Variants in USP34 observed in about 807,000 individuals in gnomAD.
The protein encoded by USP34 is ubiquitin carboxyl-terminal hydrolase 34.
In USP34, 70 loss-of-function variants were observed where a neutral mutation model predicts 460.3. That is an observed-to-expected ratio of 0.15 (90% CI 0.13 to 0.19). USP34 has a LOEUF of 0.19. Among genes scored for constraint, USP34 ranks in the 10% least tolerant of loss-of-function variants. The pLI is 1.00. For missense variants in USP34, 3,985 were observed against 4,236.2 expected (o/e 0.94, Z 1.65); for synonymous variants, 1,647 against 1,405.3 (o/e 1.17, Z -3.85).
At chr2:61,225,944 C>T (rs1687713828) in intron 62 of USP34, among the ~76,000 whole-genome samples, 1 of 152,168 alleles carries the variant, frequency 6.6e-6, no homozygotes, top group African/African-American at 2.4e-5. Flanking sequence ...CAGCACTACA[C>T]TTGAGGGCCA....
intron 75 of USP34, among the ~76,000 whole-genome samples, chr2:61,199,730 T>C (rs1686914102): frequency 6.6e-6 from 1 of 152,252 alleles, no homozygotes; most frequent in Non-Finnish European, 1.5e-5. Context: ...ATCTTTATGT[T>C]TGTTGAGGCT....
rs560665729 is a variant in USP34 at position 61,365,070 on chromosome 2, G to A, written c.1251+5251C>T. On this transcript the variant is annotated intron_variant, in intron 10 of 79. Coordinates refer to ENST00000398571, the MANE Select transcript of USP34 (RefSeq NM_014709.4). The stretch of plus-strand genomic sequence containing the variant: ...AGTTTGAGACCAGCCTGACCAACAT[G>A]GTGAAATCCCGTCTCTACTAAAACT... Among the ~76,000 whole-genome samples, 117 of 152,138 alleles carry A rather than the reference G, an allele frequency of 7.7e-4. 1 individual carries two copies. Among genetic ancestry groups the A allele is most frequent in the South Asian group, 7.5e-3 (36 of 4,814 alleles).
At chr2:61,328,317 A>G (rs1691159796) in intron 20 of USP34, among the ~76,000 whole-genome samples, 1 of 151,722 alleles carries the variant, frequency 6.6e-6, no homozygotes, top group Non-Finnish European at 1.5e-5. Context: ...AAAAAAATAA[A>G]GTGAAAAAAA....
Position 61,190,538 on chromosome 2 carries a change from T to C in USP34, c.9709A>G (p.Met3237Val), listed in dbSNP as rs771833520. Residue 3237 changes from methionine (M) to valine (V), a missense_variant, in exon 77 of 80, where the codon ATG becomes GTG. Physicochemically the swap from Met to Val is conservative, Grantham distance 21 (BLOSUM62 1). Around this residue, in one of 14 missense-constraint regions of USP34, gnomAD observed 506 missense variants for 439.0 expected, o/e 1.15. Coordinates refer to ENST00000398571, the MANE Select transcript of USP34 (RefSeq NM_014709.4). ...CGTACCTTTAGAAGGAAATGTGTCA[T>C]GAACGTGTAGACAATGTTGTTGTTT... ...FLNNNIVYTF[M>V]THFLLKVQSQ... 23 of 1,613,886 alleles carry C rather than the reference T, an allele frequency of 1.4e-5. No homozygotes were observed. The highest frequency in any genetic ancestry group is 1.5e-5 in the Non-Finnish European group (18 of 1,179,964).
rs1229116121 is a variant in USP34, at chr2:61,194,266, TCCTAA to T, written c.9509-1291_9509-1287del. 3 of 985,408 alleles carry T rather than the reference TCCTAA, an allele frequency of 3.0e-6. No individual in the cohort carries two copies. The South Asian group carries it at 1.4e-4, about 46-fold the overall frequency. The allele number at this position is 985,408 out of a possible 1,614,324, so 61.0% of individuals were successfully genotyped here. A position where few individuals can be genotyped will look rare whatever the true frequency, so the allele number is the denominator to read the frequency against. ...GCAAGGAAATGCTACTTCCCCTTTA[TCCTAA>T]CCTAATCTGGTTGGTGTTTGGCAGC... is the stretch of plus-strand genomic sequence containing the variant. On this transcript the variant is annotated intron_variant, in intron 75 of 79. Transcript: ENST00000398571.
chr2:61,309,454 A>G (rs1173799321), intron 27 of USP34, among the ~76,000 whole-genome samples: 1 of 152,212 alleles, frequency 6.6e-6, no homozygotes, highest in African/African-American at 2.4e-5. Context: ...TTTGAGGACA[A>G]TTAGTAAGAT....
At position 61,348,294 on chromosome 2, in the gene USP34, T is replaced by G; in HGVS notation, c.1861A>C (p.Lys621Gln). 6.2e-7 allele frequency: 1 copy of G among 1,614,216 alleles called. No homozygotes were observed. Among genetic ancestry groups the G allele is most frequent in the East Asian group, 2.2e-5 (1 of 44,882 alleles). Residue 621 changes from lysine (K) to glutamine (Q), a missense_variant, in exon 15 of 80, where the codon AAA becomes CAA. Around this residue, in one of 14 missense-constraint regions of USP34, gnomAD observed 716 missense variants for 626.2 expected, o/e 1.14. Coordinates refer to ENST00000398571, the MANE Select transcript of USP34 (RefSeq NM_014709.4). ...TGATCATCGTCTTCATCTTCCTCTT[T>G]GAGGGCTTCAATATCTGCAATGTCT... ...SEDIADIEAL[K>Q]EEDEDDDHGH... is the part of the protein sequence containing the mutation.
chr2:61,349,601 G>A (rs1243329052), intron 12 of USP34, among the ~76,000 whole-genome samples: 2 of 152,072 alleles, frequency 1.3e-5, no homozygotes, highest in Non-Finnish European at 2.9e-5. Flanking sequence ...AGCATTTTAG[G>A]AGGCCAAGGC....
At chr2:61,244,339 G>C (rs1343608476) in intron 51 of USP34, among the ~76,000 whole-genome samples, 3 of 152,270 alleles carry the variant, frequency 2.0e-5, no homozygotes, top group East Asian at 1.9e-4. Flanking sequence ...TTGTTGGCTA[G>C]GTGCCATGGC....
At position 61,188,144 on chromosome 2, in the gene USP34, G is replaced by A. The variant is rs375982399; in HGVS notation, c.10599C>T (p.Val3533=). The A allele has an allele frequency of 1.4e-5, 22 of 1,613,764 alleles. No homozygotes were observed. Among genetic ancestry groups the A allele is most frequent in the East Asian group, 1.1e-4 (5 of 44,890 alleles). The change falls in exon 80 of 80, where the codon GTC becomes GTT. Residue 3533 remains valine, a synonymous_variant. Transcript: ENST00000398571. The stretch of plus-strand genomic sequence containing the variant: ...TTCCTTTGCCAGATATCCTTGTGAC[G>A]ACATGGATTGTAGATTCAATGGTCC... ...LCRTIESTIH[V]VTRISGKGNQ...
chr2:61,232,865 C>A (rs1322877087), intron 57 of USP34, among the ~76,000 whole-genome samples: 1 of 112,842 alleles, frequency 8.9e-6, no homozygotes, highest in African/African-American at 3.3e-5. Context: ...TATATTCCCC[C>A]CCCCCTTTTT....
chr2:61,343,795 T>C lies in USP34; in HGVS notation c.2500+20A>G. 3 of 1,603,050 alleles carry C rather than the reference T, an allele frequency of 1.9e-6. No homozygotes were observed. In the Middle Eastern group the frequency reaches 5.0e-4, roughly 265 times the overall value. ...CTGTTGTGAAGAAGGTAATATATTT[T>C]ACTTACTGTAGAGTCTTACCTTGAC... On this transcript the variant is annotated intron_variant, in intron 16 of 79. Coordinates refer to ENST00000398571, the MANE Select transcript of USP34 (RefSeq NM_014709.4).
At chr2:61,242,374 A>C (rs1242372050) in intron 51 of USP34, among the ~76,000 whole-genome samples, 1 of 151,954 alleles carries the variant, frequency 6.6e-6, no homozygotes, top group Non-Finnish European at 1.5e-5. Flanking sequence ...CACTTTAAGC[A>C]ATCCAACTGA....
chr2:61,273,111 A>G (rs997648352), intron 41 of USP34, among the ~76,000 whole-genome samples: 3 of 152,230 alleles, frequency 2.0e-5, no homozygotes, highest in African/African-American at 4.8e-5. Context: ...CCATATCAAC[A>G]TACCAACAAA....
chr2:61,368,202 G>A (rs1170357336), intron 10 of USP34, among the ~76,000 whole-genome samples: 1 of 152,158 alleles, frequency 6.6e-6, no homozygotes, highest in Non-Finnish European at 1.5e-5. Context: ...GTGAGGCCAA[G>A]GCGGAAGGAT....
Position 61,470,551 on chromosome 2 carries a change from C to T in USP34, c.43+99G>A. On this transcript the variant is annotated intron_variant, in intron 1 of 79. Transcript: ENST00000398571. ...TAGGCCCGCACGCCGCCCGGCCCGGCCGTCGCCTCCCGCAGGCCGCGGCAG... is the reference window on the plus strand; with the variant it reads ...TAGGCCCGCACGCCGCCCGGCCCGGTCGTCGCCTCCCGCAGGCCGCGGCAG... 11 of 778,070 alleles carry T rather than the reference C, an allele frequency of 1.4e-5. No individual in the cohort carries two copies. In the South Asian group the frequency reaches 1.4e-4, roughly 10 times the overall value. 48.2% of individuals were successfully genotyped at this position (778,070 alleles called of 1,614,324 possible).
At position 61,362,881 on chromosome 2, in the gene USP34, A is replaced by G. The variant is rs1415272084; in HGVS notation, c.1251+7440T>C. Among the ~76,000 whole-genome samples the G allele has an allele frequency of 2.6e-5, 4 of 152,354 alleles. No individual in the cohort carries two copies. The South Asian group carries it at 8.3e-4, about 32-fold the overall frequency. The stretch of plus-strand genomic sequence containing the variant: ...TTAAATACATAATTTTTATATTTGT[A>G]TAGTATTTCTCAGTATTTGCCTATT... On this transcript the variant is annotated intron_variant, in intron 10 of 79. Coordinates refer to ENST00000398571, the MANE Select transcript of USP34 (RefSeq NM_014709.4).
chr2:61,440,831 T>TA lies in USP34; in HGVS notation c.44-19999dup, dbSNP rs573344581. 2.3e-3 allele frequency among the ~76,000 whole-genome samples: 325 copies of TA among 143,172 alleles called. 6 individuals carry two copies. The East Asian group carries it at 0.035, about 15-fold the overall frequency. 93.9% of individuals were successfully genotyped at this position (143,172 alleles called of 152,430 possible). On this transcript the variant is annotated intron_variant, in intron 1 of 79. Transcript: ENST00000398571. ...CCACACCCGGCCTACTTTTTTAATT[T>TA]AAAAAAAAAAAAAATTTCGGGTGCA... is the stretch of plus-strand genomic sequence containing the variant.
At chr2:61,280,056 G>T (rs1689488551) in intron 39 of USP34, among the ~76,000 whole-genome samples, 188 bp downstream of exon 39, 1 of 152,170 alleles carries the variant, frequency 6.6e-6, no homozygotes. Context: ...TTCAACTAAG[G>T]TCTGAGTAAA....
Sources: allele counts gnomAD v4.1 joint callset (sites outside exome capture counted in the v4.1 genomes callset), GRCh38; gene constraint gnomAD v4.1.1; regional missense constraint gnomAD v4.1.1; transcripts MANE v1.5; gene names NCBI Gene and HGNC (gene_info 2026-07-23, HGNC 2026-07-21).